Variants in TG observed in about 807,000 individuals in gnomAD.
TG encodes the protein thyroid hormones.
In TG, 270 loss-of-function variants were observed where a neutral mutation model predicts 324.7. The observed-to-expected ratio is 0.83, with a 90% CI of 0.75 to 0.92. The LOEUF (loss-of-function observed/expected upper bound fraction) is 0.92. Among genes scored for constraint, TG ranks in the 40% least tolerant of loss-of-function variants. The probability of loss-of-function intolerance (pLI) is 0.00; values close to 1 mark genes in which losing one functional copy is unlikely to be tolerated. For missense variants in TG, 3,591 were observed against 3,456.4 expected, an observed-to-expected ratio of 1.04 and a Z score of -0.98; for synonymous variants, 1,401 against 1,327.0, an observed-to-expected ratio of 1.06 and a Z score of -1.21.
intron 27 of TG, 148 bp downstream of exon 27, chr8:132,949,091 GAAACAACCCT>G: frequency 1.3e-6 from 1 of 750,484 alleles, no homozygotes; most frequent in East Asian, 2.7e-5. Flanking sequence ...ATACTGGATG[GAAACAACCCT>G]AGCTTTTCAG....
intron 16 of TG, among the ~76,000 whole-genome samples, chr8:132,906,210 G>A (rs1239988811): frequency 6.6e-6 from 1 of 152,136 alleles, no homozygotes; most frequent in Non-Finnish European, 1.5e-5. Context: ...ACATGGAGCA[G>A]GTGTGAATGG....
intron 41 of TG, among the ~76,000 whole-genome samples, chr8:133,036,153 TCAGGCCTCAGCCCAA>T (rs1403636136): frequency 4.6e-5 from 7 of 152,240 alleles, no homozygotes; most frequent in Non-Finnish European, 2.9e-5. Context: ...TGCTCATCTT[TCAGGCCTCAGCCCAA>T]ACATTGCCTC....
At chr8:133,049,883 A>G in intron 41 of TG, 1 of 1,512,358 alleles carries the variant, frequency 6.6e-7, no homozygotes, top group South Asian at 1.1e-5. Flanking sequence ...AATTGCTGCC[A>G]TTTGAGAAAT....
At chr8:133,110,044 G>A (rs1850135575) in intron 43 of TG, among the ~76,000 whole-genome samples, 1 of 152,110 alleles carries the variant, frequency 6.6e-6, no homozygotes, top group Non-Finnish European at 1.5e-5. Context: ...GGAGATCCTG[G>A]TGCCCAGACC....
In TG at chr8:133,096,315, A is replaced by G; in HGVS notation, c.7514A>G (p.Asp2505Gly). Residue 2505 changes from aspartate (D) to glycine (G), a missense_variant, in exon 43 of 48, where the codon GAT becomes GGT. Transcript: ENST00000220616. ...AAGAGGTCTTTATGGGTAGAGGTCG[A>G]TCTGCTCATTGGGAGTTCTCAGGAC... is the stretch of plus-strand genomic sequence containing the variant. ...ALKRSLWVEV[D>G]LLIGSSQDDG... 6.2e-7 allele frequency: 1 copy of G among 1,614,168 alleles called. No individual in the cohort carries two copies. Among genetic ancestry groups the G allele is most frequent in the East Asian group, 2.2e-5 (1 of 44,868 alleles).
At position 132,886,510 on chromosome 8, in the gene TG, T is replaced by C. The variant is rs1815442249; in HGVS notation, c.1138T>C (p.Ser380Pro). The C allele has an allele frequency of 6.2e-7, 1 of 1,614,048 alleles. No homozygotes were observed. Among genetic ancestry groups the C allele is most frequent in the African/African-American group, 1.3e-5 (1 of 74,928 alleles). ...CTTGTCCAGACTCTACTTTGGGACC[T>C]CAGGCTACTTCAGCCAGCACGACCT... ...QALSRLYFGT[S>P]GYFSQHDLFS... Residue 380 changes from serine (S) to proline (P), a missense_variant, in exon 9 of 48, where the codon TCA becomes CCA. Coordinates refer to ENST00000220616, the MANE Select transcript of TG (RefSeq NM_003235.5).
chr8:133,064,058 C>T (rs1483577351), intron 41 of TG: 2 of 152,174 alleles, frequency 1.3e-5, no homozygotes, highest in Non-Finnish European at 2.9e-5. Context: ...TCTCCCTTTC[C>T]TTGGTGGTGT....
rs962133356 is a variant in TG at position 133,131,803 on chromosome 8, T to C, written c.7863-9T>C. On this transcript the variant is annotated splice_polypyrimidine_tract_variant and intron_variant, in intron 45 of 47. Coordinates refer to ENST00000220616, the MANE Select transcript of TG (RefSeq NM_003235.5). Reference sequence around the variant, plus strand: ...ACCTTTTGCTGCTGCTTTTCCTCTGTTTTCTCAGCCTGGAGCTGCTGGCGG... The same window carrying C: ...ACCTTTTGCTGCTGCTTTTCCTCTGCTTTCTCAGCCTGGAGCTGCTGGCGG... 6.2e-7 allele frequency: 1 copy of C among 1,614,026 alleles called. No homozygotes were observed. The highest frequency in any genetic ancestry group is 8.5e-7 in the Non-Finnish European group (1 of 1,179,994).
chr8:133,093,146 T>TTC (rs879559542), intron 41 of TG, among the ~76,000 whole-genome samples: 4 of 138,984 alleles, frequency 2.9e-5, no homozygotes, highest in East Asian at 1.9e-4. Flanking sequence ...TTTCTTTTTT[T>TTC]TTTTTAATTT....
intron 40 of TG, among the ~76,000 whole-genome samples, chr8:133,024,802 G>A (rs1393927255): frequency 1.3e-5 from 2 of 152,068 alleles, no homozygotes; most frequent in Non-Finnish European, 2.9e-5. Flanking sequence ...TCTTTATCCA[G>A]TCTATCAGTG....
chr8:132,903,301 A>G (rs1260232819), intron 16 of TG, among the ~76,000 whole-genome samples: 3 of 152,192 alleles, frequency 2.0e-5, no homozygotes, highest in African/African-American at 7.2e-5. Context: ...GGTTGGGTAG[A>G]TGCTCACTTG....
intron 45 of TG, among the ~76,000 whole-genome samples, chr8:133,125,676 G>A (rs912162872): frequency 2.6e-5 from 4 of 152,202 alleles, no homozygotes; most frequent in Non-Finnish European, 5.9e-5. Flanking sequence ...GATGCCTGGG[G>A]GATGGGCCAG....
rs775804623 is a variant in TG, at chr8:132,871,426, CTCAG to C, written c.355_358del (p.Gln119ValfsTer47). The C allele has an allele frequency of 3.7e-6, 6 of 1,614,196 alleles. No individual in the cohort carries two copies. The highest frequency in any genetic ancestry group is 5.1e-6 in the Non-Finnish European group (6 of 1,180,026). On this transcript the variant is annotated frameshift_variant, in exon 4 of 48. Coordinates refer to ENST00000220616, the MANE Select transcript of TG (RefSeq NM_003235.5). LOFTEE classifies it high-confidence loss of function. Reference sequence around the variant, plus strand: ...AACAGCACAGACACCTCCTACCTCCCTCAGTGTCAGGATTCAGGGGACTACGCGC... The same window carrying C: ...AACAGCACAGACACCTCCTACCTCCCTGTCAGGATTCAGGGGACTACGCGC...
chr8:133,077,425 C>T (rs1845063939), intron 41 of TG, among the ~76,000 whole-genome samples: 1 of 152,154 alleles, frequency 6.6e-6, no homozygotes, highest in South Asian at 2.1e-4. Flanking sequence ...TGCTGCTAAC[C>T]TCCCCTGACC....
intron 27 of TG, among the ~76,000 whole-genome samples, chr8:132,959,562 C>T (rs565353538): frequency 1.1e-4 from 16 of 152,222 alleles, no homozygotes; most frequent in Admixed American, 2.0e-4. Flanking sequence ...TATGTAAGTA[C>T]GCCCTATGAT....
At chr8:132,972,447 C>A in intron 33 of TG, 151 bp from the exon 34 acceptor site, 1 of 883,034 alleles carries the variant, frequency 1.1e-6, no homozygotes, top group Non-Finnish European at 1.7e-6. Context: ...CCAGGTTTTT[C>A]AGCAGTGGCT....
chr8:133,096,847 G>A (rs994181413), intron 43 of TG, among the ~76,000 whole-genome samples: 1 of 152,208 alleles, frequency 6.6e-6, no homozygotes, highest in Non-Finnish European at 1.5e-5. Flanking sequence ...AATGCACCTG[G>A]CAAACACGCA....
At chr8:132,964,905 G>A in intron 29 of TG, 1 of 702,356 alleles carries the variant, frequency 1.4e-6, no homozygotes, top group Non-Finnish European at 2.6e-6. Flanking sequence ...TCTCGGAGGA[G>A]GCCAGAAGGA....
At chr8:132,935,202 G>C (rs1823398933) in intron 24 of TG, among the ~76,000 whole-genome samples, 2 of 150,400 alleles carry the variant, frequency 1.3e-5, no homozygotes, top group South Asian at 4.2e-4. Context: ...GTACAGTGGT[G>C]CAAACTAGGC....
Sources: gnomAD v4.1 joint callset for allele counts (sites outside exome capture counted in the v4.1 genomes callset) on GRCh38, gnomAD v4.1.1 for gene constraint, MANE v1.5 for transcripts, NCBI Gene and HGNC (gene_info 2026-07-23, HGNC 2026-07-21) for gene names.